ENDOG: variants seen among roughly 807,000 people sequenced by gnomAD.
ENDOG encodes the protein endonuclease G, mitochondrial.
Under a neutral mutation model 22.6 loss-of-function variants are expected in ENDOG, and 22 were observed. The ratio of observed to expected loss-of-function variants is 0.97; its 90% CI spans 0.70 to 1.39. ENDOG has a LOEUF of 1.39. ENDOG is among the 40% of genes most tolerant of loss of function. The pLI is 0.00. For missense variants in ENDOG, 403 were observed against 431.3 expected (o/e 0.93, Z 0.58); for synonymous variants, 173 against 200.2 (o/e 0.86, Z 1.15).
chr9:128,820,082 C>G (rs530303291), intron 1 of ENDOG: 1 of 152,542 alleles, frequency 6.6e-6, no homozygotes, highest in Non-Finnish European at 1.5e-5. Context: ...AGACATTGTC[C>G]TACCCTGCCT....
chr9:128,820,587 G>A, intron 1 of ENDOG, 152 bp from the exon 2 acceptor site: 1 of 660,558 alleles, frequency 1.5e-6, no homozygotes, highest in Non-Finnish European at 2.7e-6. Context: ...GGGTTTCAGG[G>A]AGTGACTTTC....
Position 128,818,671 on chromosome 9 carries a change from G to A in ENDOG, c.-14G>A. On this transcript the variant is annotated 5_prime_UTR_variant, in exon 1 of 3. Coordinates refer to ENST00000372642, the MANE Select transcript of ENDOG (RefSeq NM_004435.2). ...AGCCTCGCGGGTCGCCCGCCGCTAG[G>A]TCGCTCCCCGGCCATGCGGGCGCTG... is the stretch of plus-strand genomic sequence containing the variant. The A allele has an allele frequency of 4.3e-6, 5 of 1,165,226 alleles. No homozygotes were observed. Among genetic ancestry groups the A allele is most frequent in the Non-Finnish European group, 5.3e-6 (5 of 945,202 alleles). The allele number at this position is 1,165,226 out of a possible 1,614,324, so 72.2% of individuals were successfully genotyped here. A position where few individuals can be genotyped will look rare whatever the true frequency, so the allele number is the denominator to read the frequency against.
rs1830050439 is a variant in ENDOG at position 128,818,914 on chromosome 9, G to GC, written c.232dup (p.Arg78ProfsTer106). On this transcript the variant is annotated frameshift_variant, in exon 1 of 3. Transcript: ENST00000372642. LOFTEE classifies it high-confidence loss of function. The stretch of plus-strand genomic sequence containing the variant: ...CTGCCGGGGCTGGCGCAGCTCAAGA[G>GC]CCGCGAGTCGTACGTGCTGTGCTAC... 4.1e-6 allele frequency: 6 copies of GC among 1,478,544 alleles called. No individual in the cohort carries two copies. Among genetic ancestry groups the GC allele is most frequent in the Non-Finnish European group, 4.5e-6 (5 of 1,123,170 alleles). The allele number at this position is 1,478,544 out of a possible 1,614,324, so 91.6% of individuals were successfully genotyped here.
chr9:128,818,545 A>G lies in ENDOG; in HGVS notation c.-140A>G. 1 of 972,068 alleles carries G rather than the reference A, an allele frequency of 1.0e-6. No individual in the cohort carries two copies. The highest frequency in any genetic ancestry group is 4.9e-5 in the South Asian group (1 of 20,278). 60.2% of individuals were successfully genotyped at this position (972,068 alleles called of 1,614,324 possible). On this transcript the variant is annotated 5_prime_UTR_variant, in exon 1 of 3. Transcript: ENST00000372642. The stretch of plus-strand genomic sequence containing the variant: ...GCTCCCTTCTGGGTTCCGAGGCCCA[A>G]GCCCTTGGCAGTGTTTGTGAGTGGA...
chr9:128,822,293 GC>G lies in ENDOG; in HGVS notation c.612-30del, dbSNP rs774219238. 6.9e-6 allele frequency: 11 copies of G among 1,599,730 alleles called. No homozygotes were observed. In the African/African-American group the frequency reaches 1.2e-4, roughly 17 times the overall value. ...AAGAGGTGGCTTTGGGTTCATCCAG[GC>G]CCCCTGCCCACGTGTGCCTGGGTCT... On this transcript the variant is annotated intron_variant, in intron 2 of 2. Transcript: ENST00000372642.
At position 128,818,615 on chromosome 9, in the gene ENDOG, T is replaced by C. The variant is rs1830041819; in HGVS notation, c.-70T>C. The C allele has an allele frequency of 1.9e-5, 21 of 1,088,134 alleles. No homozygotes were observed. Among genetic ancestry groups the C allele is most frequent in the Non-Finnish European group, 2.3e-5 (21 of 896,534 alleles). 67.4% of individuals were successfully genotyped at this position (1,088,134 alleles called of 1,614,324 possible). A position where few individuals can be genotyped will look rare whatever the true frequency, so the allele number is the denominator to read the frequency against. On this transcript the variant is annotated 5_prime_UTR_variant, in exon 1 of 3. Coordinates refer to ENST00000372642, the MANE Select transcript of ENDOG (RefSeq NM_004435.2). Reference sequence around the variant, plus strand: ...CCGCGGCCCCAGCAGCCCTGTGCCCTCGTTGGATCCCGCGACGCGGCTCCT... The same window carrying C: ...CCGCGGCCCCAGCAGCCCTGTGCCCCCGTTGGATCCCGCGACGCGGCTCCT...
At position 128,819,199 on chromosome 9, in the gene ENDOG, C is replaced by T. The variant is rs1042770263; in HGVS notation, c.501+14C>T. 2.8e-6 allele frequency: 4 copies of T among 1,454,528 alleles called. No homozygotes were observed. The highest frequency in any genetic ancestry group is 3.0e-5 in the African/African-American group (2 of 66,640). 90.1% of individuals were successfully genotyped at this position (1,454,528 alleles called of 1,614,324 possible). A position where few individuals can be genotyped will look rare whatever the true frequency, so the allele number is the denominator to read the frequency against. On this transcript the variant is annotated intron_variant, in intron 1 of 2. Transcript: ENST00000372642. ...GTCGCGCCCCAGGTAGCGCCCGCGCCCCGGGCCGGTCGCGGAATGCGGGGC... is the reference window on the plus strand; with the variant it reads ...GTCGCGCCCCAGGTAGCGCCCGCGCTCCGGGCCGGTCGCGGAATGCGGGGC...
chr9:128,822,591 T>C lies in ENDOG; in HGVS notation c.875T>C (p.Ile292Thr), dbSNP rs369241135. Residue 292 changes from isoleucine (I) to threonine (T), a missense_variant, in exon 3 of 3, where the codon ATC (isoleucine) becomes ACC (threonine). Ile to Thr is a moderately conservative substitution (Grantham distance 89). Coordinates refer to ENST00000372642, the MANE Select transcript of ENDOG (RefSeq NM_004435.2). ...ILARAGSLKA[I>T]TAGSK is the part of the protein sequence containing the mutation. ...GCGCGGGCAGGCAGCCTCAAGGCCA[T>C]CACGGCGGGCAGTAAGTGAGGGTGG... 2 of 1,569,578 alleles carry C rather than the reference T, an allele frequency of 1.3e-6. No individual in the cohort carries two copies. The highest frequency in any genetic ancestry group is 1.7e-6 in the Non-Finnish European group (2 of 1,157,334).
At chr9:128,821,331 C>A (rs1367428834) in intron 2 of ENDOG, 1 of 176,006 alleles carries the variant, frequency 5.7e-6, no homozygotes, top group Non-Finnish European at 1.2e-5. Flanking sequence ...GTCCCCAGTG[C>A]ACCGAGCTCT....
chr9:128,821,059 C>T (rs1830103677), intron 2 of ENDOG: 7 of 582,774 alleles, frequency 1.2e-5, no homozygotes, highest in Non-Finnish European at 1.2e-5. Context: ...CATCTCTCCT[C>T]TGCCCATGGG....
At chr9:128,820,610 TCA>T in intron 1 of ENDOG, 127 bp from the exon 2 acceptor site, 2 of 744,092 alleles carry the variant, frequency 2.7e-6, no homozygotes, top group Admixed American at 2.4e-5. Flanking sequence ...TCCTTGAGCC[TCA>T]GTTTCCCCCC....
At position 128,820,845 on chromosome 9, in the gene ENDOG, C is replaced by T; in HGVS notation, c.608C>T (p.Pro203Leu). ...VYVCTGPLFL[P>L]RTEADGKSYV... The stretch of plus-strand genomic sequence containing the variant: ...GTCTGCACAGGGCCACTCTTCCTGC[C>T]CAGGTAAGGTGGAAACCAGGGGGGC... The change falls in exon 2 of 3, where the codon CCC (proline) becomes CTC (leucine). Residue 203 changes from proline to leucine, a missense_variant. Coordinates refer to ENST00000372642, the MANE Select transcript of ENDOG (RefSeq NM_004435.2). 3 of 1,606,946 alleles carry T rather than the reference C, an allele frequency of 1.9e-6. No homozygotes were observed. Among genetic ancestry groups the T allele is most frequent in the Non-Finnish European group, 2.6e-6 (3 of 1,176,360 alleles).
At position 128,822,452 on chromosome 9, in the gene ENDOG, A is replaced by C. The variant is rs1181163678; in HGVS notation, c.736A>C (p.Thr246Pro). Residue 246 changes from threonine to proline, a missense_variant, in exon 3 of 3, where the codon ACC (threonine) becomes CCC (proline). Coordinates refer to ENST00000372642, the MANE Select transcript of ENDOG (RefSeq NM_004435.2). ...EAAGGQIELRTYVMPNAPVDE... is the reference protein window; with the variant it reads ...EAAGGQIELRPYVMPNAPVDE... ...AGCAGGTGGGCAAATTGAGCTCCGCACCTACGTGATGCCCAACGCACCTGT... is the reference window on the plus strand; with the variant it reads ...AGCAGGTGGGCAAATTGAGCTCCGCCCCTACGTGATGCCCAACGCACCTGT... The C allele has an allele frequency of 6.3e-7, 1 of 1,585,028 alleles. No individual in the cohort carries two copies. The highest frequency in any genetic ancestry group is 1.3e-5 in the African/African-American group (1 of 74,244).
Position 128,818,574 on chromosome 9 carries a change from G to T in ENDOG, c.-111G>T, listed in dbSNP as rs1413331859. On this transcript the variant is annotated 5_prime_UTR_variant, in exon 1 of 3. Transcript: ENST00000372642. ...CTTGGCAGTGTTTGTGAGTGGAAGG[G>T]AGGTCACGCTATCGTCCGCGGCCCC... The T allele has an allele frequency of 9.7e-7, 1 of 1,031,136 alleles. No homozygotes were observed. The allele number at this position is 1,031,136 out of a possible 1,614,324, so 63.9% of individuals were successfully genotyped here.
chr9:128,818,915 C>A lies in ENDOG; in HGVS notation c.231C>A (p.Ser77Arg). 1 of 1,478,616 alleles carries A rather than the reference C, an allele frequency of 6.8e-7. No individual in the cohort carries two copies. The highest frequency in any genetic ancestry group is 8.9e-7 in the Non-Finnish European group (1 of 1,123,176). The allele number at this position is 1,478,616 out of a possible 1,614,324, so 91.6% of individuals were successfully genotyped here. ...TGCCGGGGCTGGCGCAGCTCAAGAG[C>A]CGCGAGTCGTACGTGCTGTGCTACG... is the stretch of plus-strand genomic sequence containing the variant. ...YGLPGLAQLKSRESYVLCYDP... is the reference protein window; with the variant it reads ...YGLPGLAQLKRRESYVLCYDP... The change falls in exon 1 of 3, where the codon AGC becomes AGA. Residue 77 changes from serine to arginine, a missense_variant. Ser to Arg is a moderately radical substitution (Grantham distance 110). Transcript: ENST00000372642.
chr9:128,821,771 A>G (rs1830123356), intron 2 of ENDOG: 1 of 162,958 alleles, frequency 6.1e-6, no homozygotes, highest in Non-Finnish European at 1.3e-5. Flanking sequence ...AAAACCTGTG[A>G]CCTCTTGGTT....
At chr9:128,821,033 G>A in intron 2 of ENDOG, 185 bp downstream of exon 2, 1 of 608,296 alleles carries the variant, frequency 1.6e-6, no homozygotes. Flanking sequence ...CCAAAGACCT[G>A]TCGGGTACCC....
At position 128,820,389 on chromosome 9, in the gene ENDOG, G is replaced by T. The variant is rs148132591; in HGVS notation, c.502-350G>T. Reference sequence around the variant, plus strand: ...TTCCTGTGGCTCAGACTGGGAAAAGGAACGGGTTGGTAGTTGGAAGGGCTG... The same window carrying T: ...TTCCTGTGGCTCAGACTGGGAAAAGTAACGGGTTGGTAGTTGGAAGGGCTG... On this transcript the variant is annotated intron_variant, in intron 1 of 2. Coordinates refer to ENST00000372642, the MANE Select transcript of ENDOG (RefSeq NM_004435.2). The T allele has an allele frequency of 2.3e-3, 545 of 234,498 alleles. 3 individuals are homozygous for T. Among genetic ancestry groups the T allele is most frequent in the African/African-American group, 0.011 (492 of 44,510 alleles). The allele number at this position is 234,498 out of a possible 1,614,324, so 14.5% of individuals were successfully genotyped here.
rs1408005631 is a variant in ENDOG at position 128,818,916 on chromosome 9, C to A, written c.232C>A (p.Arg78Ser). The A allele has an allele frequency of 4.1e-6, 6 of 1,479,004 alleles. No homozygotes were observed. The highest frequency in any genetic ancestry group is 2.6e-5 in the South Asian group (2 of 78,124). 91.6% of individuals were successfully genotyped at this position (1,479,004 alleles called of 1,614,324 possible). The change falls in exon 1 of 3, where the codon CGC becomes AGC. Residue 78 changes from arginine (R) to serine (S), a missense_variant. Physicochemically the swap from Arg to Ser is moderately radical, Grantham distance 110. Coordinates refer to ENST00000372642, the MANE Select transcript of ENDOG (RefSeq NM_004435.2). ...GCCGGGGCTGGCGCAGCTCAAGAGC[C>A]GCGAGTCGTACGTGCTGTGCTACGA... is the stretch of plus-strand genomic sequence containing the variant. The part of the protein sequence containing the change: ...GLPGLAQLKS[R>S]ESYVLCYDPR...
Sources: allele counts gnomAD v4.1 joint callset, GRCh38; gene constraint gnomAD v4.1.1; transcripts MANE v1.5; gene names NCBI Gene and HGNC (gene_info 2026-07-23, HGNC 2026-07-21).